ADPGK: variants seen among roughly 807,000 people sequenced by gnomAD.
The protein encoded by ADPGK is ADP dependent glucokinase.
A neutral mutation model predicts 42.4 loss-of-function variants in ADPGK; 26 were observed. The observed-to-expected ratio is 0.61, with a 90% CI of 0.45 to 0.85. ADPGK has a LOEUF of 0.85. Ranked by LOEUF, ADPGK falls within the 40% of genes least tolerant of loss-of-function variation. The probability of loss-of-function intolerance (pLI) is 0.00; values close to 1 mark genes in which losing one functional copy is unlikely to be tolerated. For missense variants in ADPGK, 571 were observed against 627.0 expected, an observed-to-expected ratio of 0.91 and a Z score of 0.95; for synonymous variants, 267 against 252.6, an observed-to-expected ratio of 1.06 and a Z score of -0.54.
intron 1 of ADPGK, among the ~76,000 whole-genome samples, chr15:72,781,026 T>C: frequency 6.6e-6 from 1 of 152,112 alleles, no homozygotes. Flanking sequence ...GCATTTTGAG[T>C]GTGTCTGTGT....
rs1397834496 is a variant in ADPGK at position 72,772,077 on chromosome 15, C to T, written c.460-232G>A. Among the ~76,000 whole-genome samples the T allele has an allele frequency of 5.9e-5, 9 of 152,246 alleles. No homozygotes were observed. In the South Asian group the frequency reaches 1.9e-3, roughly 32 times the overall value. Reference sequence around the variant, plus strand: ...ATGAAAATGAGTCTGATTGCTTTAACTGTTGATCAAATTCAGCTCTGAGCT... The same window carrying T: ...ATGAAAATGAGTCTGATTGCTTTAATTGTTGATCAAATTCAGCTCTGAGCT... On this transcript the variant is annotated intron_variant, in intron 2 of 6. Transcript: ENST00000456471.
At chr15:72,777,969 C>G (rs1431410711) in intron 1 of ADPGK, among the ~76,000 whole-genome samples, 2 of 152,060 alleles carry the variant, frequency 1.3e-5, no homozygotes, top group Non-Finnish European at 2.9e-5. Flanking sequence ...AAAAACCAGG[C>G]TGAGCACGGT....
At chr15:72,754,797 A>G (rs2066090786) in intron 6 of ADPGK, among the ~76,000 whole-genome samples, 3 of 152,228 alleles carry the variant, frequency 2.0e-5, no homozygotes, top group African/African-American at 4.8e-5. Context: ...AAAGTGAAGA[A>G]CAGAGTATTC....
At chr15:72,775,595 T>C (rs549851820) in intron 1 of ADPGK, among the ~76,000 whole-genome samples, 1 of 152,138 alleles carries the variant, frequency 6.6e-6, no homozygotes, top group Admixed American at 6.6e-5. Flanking sequence ...GTAAGCAAAA[T>C]ATGTGTTTCA....
chr15:72,760,243 G>T, intron 4 of ADPGK, 164 bp downstream of exon 4: 1 of 810,666 alleles, frequency 1.2e-6, no homozygotes, highest in Non-Finnish European at 1.8e-6. Context: ...TGAGACAACG[G>T]CCAGTATCAG....
intron 4 of ADPGK, chr15:72,757,841 T>A: frequency 2.4e-6 from 1 of 424,354 alleles, no homozygotes; most frequent in Admixed American, 3.9e-5. Flanking sequence ...ACGACCTAAC[T>A]GAACCTAGGA....
intron 1 of ADPGK, among the ~76,000 whole-genome samples, chr15:72,781,336 C>T (rs1380778520): frequency 1.3e-5 from 2 of 152,182 alleles, no homozygotes; most frequent in Non-Finnish European, 2.9e-5. Flanking sequence ...TCCAACCCTT[C>T]GTTCTCAGCA....
chr15:72,754,917 G>A (rs1385421005), intron 6 of ADPGK, among the ~76,000 whole-genome samples: 1 of 152,168 alleles, frequency 6.6e-6, no homozygotes, highest in Non-Finnish European at 1.5e-5. Flanking sequence ...AACTGATGAA[G>A]GGTGCAAGTA....
chr15:72,779,928 TC>T (rs1488528078), intron 1 of ADPGK, among the ~76,000 whole-genome samples: 2 of 152,246 alleles, frequency 1.3e-5, no homozygotes, highest in Non-Finnish European at 2.9e-5. Flanking sequence ...CAATTTATCT[TC>T]TGAAACTTGT....
chr15:72,758,400 C>G, intron 4 of ADPGK: 1 of 532,890 alleles, frequency 1.9e-6, no homozygotes, highest in Non-Finnish European at 3.4e-6. Context: ...CAATGGGCTT[C>G]TCTGGGGAGA....
intron 3 of ADPGK, among the ~76,000 whole-genome samples, chr15:72,768,746 CG>C (rs1442679281): frequency 6.6e-6 from 1 of 151,860 alleles, no homozygotes; most frequent in African/African-American, 2.4e-5. Flanking sequence ...CTAAGGCAGG[CG>C]GATCGCTTGA....
rs542003628 is a variant in ADPGK at position 72,756,376 on chromosome 15, C to T, written c.715G>A (p.Ala239Thr). ...FIFSHDLSNGAMNMLEVFVSS... is the reference protein window; with the variant it reads ...FIFSHDLSNGTMNMLEVFVSS... ...ACAAACACCTCCAGCATATTCATGG[C>T]CCCGTTGGAGAGGTCGTGAGAGAAG... The change falls in exon 5 of 7, where the codon GCC becomes ACC. Residue 239 changes from alanine (A) to threonine (T), a missense_variant. By Grantham distance (58) the Ala-to-Thr change is moderately conservative. Coordinates refer to ENST00000456471, the MANE Select transcript of ADPGK (RefSeq NM_001365225.1). 3 of 1,614,206 alleles carry T rather than the reference C, an allele frequency of 1.9e-6. No homozygotes were observed. Among genetic ancestry groups the T allele is most frequent in the Non-Finnish European group, 2.5e-6 (3 of 1,180,040 alleles).
chr15:72,767,821 G>A (rs1441623277), intron 3 of ADPGK, among the ~76,000 whole-genome samples: 2 of 152,064 alleles, frequency 1.3e-5, no homozygotes, highest in Non-Finnish European at 2.9e-5. Flanking sequence ...GTACTTAAGG[G>A]GAAATTTATA....
At chr15:72,767,106 C>A (rs893807076) in intron 3 of ADPGK, among the ~76,000 whole-genome samples, 4 of 152,046 alleles carry the variant, frequency 2.6e-5, no homozygotes. Flanking sequence ...AAAAGATATA[C>A]CATGCCAATA....
rs1470634585 is a variant in ADPGK at position 72,767,448 on chromosome 15, T to C, written c.522+4335A>G. 2.7e-5 allele frequency among the ~76,000 whole-genome samples: 4 copies of C among 150,640 alleles called. No homozygotes were observed. The East Asian group carries it at 5.8e-4, about 22-fold the overall frequency. On this transcript the variant is annotated intron_variant, in intron 3 of 6. Transcript: ENST00000456471. ...AACACTATCAATCAACTTCATCTAA[T>C]TGACATTTACAGAACACTCGACCCA...
rs2066357944 is a variant in ADPGK at position 72,773,917 on chromosome 15, G to A, written c.459+955C>T. 2.6e-5 allele frequency among the ~76,000 whole-genome samples: 4 copies of A among 152,152 alleles called. No homozygotes were observed. In the South Asian group the frequency reaches 6.2e-4, roughly 24 times the overall value. Reference sequence around the variant, plus strand: ...AGGGTCACACCCTGTTGCCCAGACTGGAGTGAAGTGGCACGGTCATGGTTC... The same window carrying A: ...AGGGTCACACCCTGTTGCCCAGACTAGAGTGAAGTGGCACGGTCATGGTTC... On this transcript the variant is annotated intron_variant, in intron 2 of 6. Transcript: ENST00000456471.
chr15:72,778,782 CAT>C (rs2066420490), intron 1 of ADPGK, among the ~76,000 whole-genome samples: 1 of 152,114 alleles, frequency 6.6e-6, no homozygotes, highest in Admixed American at 6.6e-5. Context: ...ATTGTTAAGA[CAT>C]AGAACTGTAA....
intron 3 of ADPGK, among the ~76,000 whole-genome samples, chr15:72,770,850 A>G (rs974072526): frequency 2.0e-5 from 3 of 152,162 alleles, no homozygotes; most frequent in Non-Finnish European, 4.4e-5. Context: ...ACCTATCCGT[A>G]TTTCTGAGTT....
At chr15:72,779,291 C>T (rs2066428252) in intron 1 of ADPGK, among the ~76,000 whole-genome samples, 1 of 149,304 alleles carries the variant, frequency 6.7e-6, no homozygotes, top group East Asian at 1.9e-4. Flanking sequence ...TCTTGTTGCC[C>T]AGGCTGGAAT....
Sources: allele counts gnomAD v4.1 joint callset (sites outside exome capture counted in the v4.1 genomes callset), GRCh38; gene constraint gnomAD v4.1.1; transcripts MANE v1.5; gene names NCBI Gene and HGNC (gene_info 2026-07-23, HGNC 2026-07-21).